Variants in MGRN1 observed in about 807,000 individuals in gnomAD.
The protein encoded by MGRN1 is E3 ubiquitin-protein ligase MGRN1.
MGRN1 carries 29 observed loss-of-function variants against 69.2 expected under a neutral mutation model. That is an observed-to-expected ratio of 0.42 (90% CI 0.31 to 0.57). The LOEUF is 0.57. MGRN1 is among the 20% of genes least tolerant of loss of function. The pLI is 0.15. For synonymous variants in MGRN1, 470 were observed against 344.2 expected, an observed-to-expected ratio of 1.37 and a Z score of -4.04; for missense variants, 998 against 796.2, an observed-to-expected ratio of 1.25 and a Z score of -3.05.
chr16:4,685,131 C>CT (rs2079279907), intron 16 of MGRN1, among the ~76,000 whole-genome samples: 1 of 152,258 alleles, frequency 6.6e-6, no homozygotes, highest in Non-Finnish European at 1.5e-5. Context: ...TTAGGACCAG[C>CT]TTACCTTAAA....
chr16:4,672,399 G>T, intron 9 of MGRN1: 2 of 456,732 alleles, frequency 4.4e-6, no homozygotes, highest in Non-Finnish European at 8.8e-6. Flanking sequence ...TGCCTCTTAA[G>T]ATCTCTTGGA....
chr16:4,680,885 G>A (rs934033974), intron 12 of MGRN1, among the ~76,000 whole-genome samples: 140 of 152,288 alleles, frequency 9.2e-4, no homozygotes, highest in African/African-American at 3.3e-3. Flanking sequence ...CAGGCAGGCC[G>A]GGGTCTCCCG....
chr16:4,662,605 C>T (rs191461158), intron 5 of MGRN1, among the ~76,000 whole-genome samples: 2 of 152,110 alleles, frequency 1.3e-5, no homozygotes, highest in Admixed American at 6.5e-5. Flanking sequence ...GTCGAGAGGA[C>T]TTCATTTGCG....
chr16:4,652,727 G>C lies in MGRN1; in HGVS notation c.346G>C (p.Val116Leu). The C allele has an allele frequency of 6.2e-7, 1 of 1,612,916 alleles. No individual in the cohort carries two copies. Among genetic ancestry groups the C allele is most frequent in the African/African-American group, 1.3e-5 (1 of 74,994 alleles). Reference protein sequence around the residue: ...SPTEDGDKPRVLYSLEFTFDA... With the variant: ...SPTEDGDKPRLLYSLEFTFDA... The stretch of plus-strand genomic sequence containing the variant: ...CACCGAGGACGGCGACAAGCCCCGG[G>C]TGCTCTACAGCCTGGAGTTCACCTT... Residue 116 changes from valine (V) to leucine (L), a missense_variant, in exon 4 of 17, where the codon GTG (valine) becomes CTG (leucine). Transcript: ENST00000262370.
At chr16:4,664,992 T>A in intron 6 of MGRN1, 110 bp from the exon 7 acceptor site, 1 of 1,326,084 alleles carries the variant, frequency 7.5e-7, no homozygotes, top group Non-Finnish European at 1.1e-6. Context: ...CTCTATGGAC[T>A]CTGTGCAGGC....
In MGRN1 at chr16:4,651,994, C is replaced by T. The variant is rs373631773; in HGVS notation, c.239C>T (p.Pro80Leu). 1 of 1,613,936 alleles carries T rather than the reference C, an allele frequency of 6.2e-7. No individual in the cohort carries two copies. Among genetic ancestry groups the T allele is most frequent in the African/African-American group, 1.3e-5 (1 of 74,900 alleles). Reference protein sequence around the residue: ...FPYVTPAPHEPVKTLRSLVNI... With the variant: ...FPYVTPAPHELVKTLRSLVNI... Reference sequence around the variant, plus strand: ...TACGTCACTCCTGCCCCCCACGAGCCCGTGAAGACGCTGCGGAGCCTGGTG... The same window carrying T: ...TACGTCACTCCTGCCCCCCACGAGCTCGTGAAGACGCTGCGGAGCCTGGTG... Residue 80 changes from proline to leucine, a missense_variant, in exon 3 of 17, where the codon CCC (proline) becomes CTC (leucine). Transcript: ENST00000262370.
At chr16:4,644,241 C>G (rs960878802) in intron 1 of MGRN1, among the ~76,000 whole-genome samples, 1 of 151,904 alleles carries the variant, frequency 6.6e-6, no homozygotes. Flanking sequence ...ATCCACCCCC[C>G]TCAGCCTCCC....
intron 1 of MGRN1, among the ~76,000 whole-genome samples, chr16:4,644,992 T>C (rs914185615): frequency 4.6e-5 from 7 of 152,190 alleles, no homozygotes; most frequent in African/African-American, 1.7e-4. Context: ...AAATGATATA[T>C]GTTAATTGTA....
At chr16:4,682,298 C>T (rs929344599) in intron 13 of MGRN1, among the ~76,000 whole-genome samples, 4 of 152,250 alleles carry the variant, frequency 2.6e-5, no homozygotes, top group East Asian at 1.9e-4. Flanking sequence ...CGACAGCCTT[C>T]GGAGGGCCTG....
At chr16:4,646,803 G>A (rs9926346) in intron 1 of MGRN1, among the ~76,000 whole-genome samples, 6,392 of 152,294 alleles carry the variant, frequency 0.042, 455 homozygotes, top group African/African-American at 0.14. Flanking sequence ...GGGGCTTCTT[G>A]GACACAAAGT....
intron 1 of MGRN1, among the ~76,000 whole-genome samples, chr16:4,636,126 G>A (rs1468114564): frequency 6.6e-6 from 1 of 152,116 alleles, no homozygotes; most frequent in Non-Finnish European, 1.5e-5. Context: ...TTTAGGAAAT[G>A]TACAGCTCAT....
At chr16:4,648,733 C>A (rs1279054507) in intron 1 of MGRN1, among the ~76,000 whole-genome samples, 1 of 120,952 alleles carries the variant, frequency 8.3e-6, no homozygotes, top group Non-Finnish European at 1.7e-5. Flanking sequence ...CTCCTCCTCT[C>A]GGGGACTCTT....
chr16:4,680,386 A>T, intron 12 of MGRN1: 1 of 410,228 alleles, frequency 2.4e-6, no homozygotes, highest in East Asian at 4.9e-5. Context: ...TGGCAGTGGA[A>T]TGGACGTTGC....
intron 4 of MGRN1, among the ~76,000 whole-genome samples, chr16:4,655,994 C>G (rs1490754985): frequency 6.6e-6 from 1 of 152,260 alleles, no homozygotes; most frequent in Non-Finnish European, 1.5e-5. Flanking sequence ...GCGGCCATGG[C>G]AGGCCTCTTC....
In MGRN1 at chr16:4,690,315, G is replaced by A. The variant is rs1035533572; in HGVS notation, c.*1407G>A. 1 of 152,142 alleles carries A rather than the reference G, an allele frequency of 6.6e-6. No individual in the cohort carries two copies. Among genetic ancestry groups the A allele is most frequent in the African/African-American group, 2.4e-5 (1 of 41,398 alleles). 9.4% of individuals were successfully genotyped at this position (152,142 alleles called of 1,614,324 possible). On this transcript the variant is annotated 3_prime_UTR_variant, in exon 17 of 17. Coordinates refer to ENST00000262370, the MANE Select transcript of MGRN1 (RefSeq NM_015246.4). ...GCTGGATCCACCCCTGCGGAGCCCT[G>A]GGCCAGGCAGGTGTCTGCTGCTCAC... is the stretch of plus-strand genomic sequence containing the variant.
At chr16:4,675,836 C>T (rs1425530490) in intron 10 of MGRN1, among the ~76,000 whole-genome samples, 2 of 152,178 alleles carry the variant, frequency 1.3e-5, no homozygotes, top group African/African-American at 4.8e-5. Flanking sequence ...CAGACATTTC[C>T]TCAGTGAAAA....
chr16:4,635,246 T>C (rs1671624301), intron 1 of MGRN1, among the ~76,000 whole-genome samples: 1 of 151,630 alleles, frequency 6.6e-6, no homozygotes, highest in Non-Finnish European at 1.5e-5. Context: ...ACCCTATCTC[T>C]ACTAAAAATC....
intron 4 of MGRN1, 25 bp from the exon 5 acceptor site, chr16:4,657,221 A>G (rs762720184): frequency 1.2e-6 from 2 of 1,605,336 alleles, no homozygotes; most frequent in Non-Finnish European, 1.7e-6. Flanking sequence ...CCGCAGCCTC[A>G]CTGCTTGCTC....
chr16:4,668,714 TCACTCACATATAC>T lies in MGRN1; in HGVS notation c.726+403_726+415del, dbSNP rs1195428953. On this transcript the variant is annotated intron_variant, in intron 8 of 16. Coordinates refer to ENST00000262370, the MANE Select transcript of MGRN1 (RefSeq NM_015246.4). The stretch of plus-strand genomic sequence containing the variant: ...TACACATACACACATACACTCACAC[TCACTCACATATAC>T]ATAGACACATACTGATACACACACA... 2.8e-5 allele frequency among the ~76,000 whole-genome samples: 4 copies of T among 140,854 alleles called. No homozygotes were observed. In the East Asian group the frequency reaches 8.3e-4, roughly 29 times the overall value. 92.4% of individuals were successfully genotyped at this position (140,854 alleles called of 152,430 possible).
Sources: gnomAD v4.1 joint callset for allele counts (sites outside exome capture counted in the v4.1 genomes callset) on GRCh38, gnomAD v4.1.1 for gene constraint, MANE v1.5 for transcripts, NCBI Gene and HGNC (gene_info 2026-07-23, HGNC 2026-07-21) for gene names.